The following HK1 variants were observed in gnomAD, a reference collection of about 807,000 sequenced individuals.
The protein encoded by HK1 is hexokinase-1.
A neutral mutation model predicts 91.6 loss-of-function variants in HK1; 28 were observed. That is an observed-to-expected ratio of 0.31 (90% confidence interval 0.23 to 0.42). The LOEUF is 0.42. Among genes scored for constraint, HK1 ranks in the 10% least tolerant of loss-of-function variants. HK1 has a pLI of 1.00. For synonymous variants in HK1, 430 were observed against 468.1 expected, an observed-to-expected ratio of 0.92 and a Z score of 1.05; for missense variants, 770 against 1,219.8, an observed-to-expected ratio of 0.63 and a Z score of 5.49.
chr10:69,401,285 G>A lies in HK1; in HGVS notation c.*150G>A. ...CAAAATCCAACTAATGGTATATATTGTAGGGTACAGAATAGAGCGTGTGCT... is the reference window on the plus strand; with the variant it reads ...CAAAATCCAACTAATGGTATATATTATAGGGTACAGAATAGAGCGTGTGCT... On this transcript the variant is annotated 3_prime_UTR_variant, in exon 18 of 18. Coordinates refer to ENST00000359426, the MANE Select transcript of HK1 (RefSeq NM_000188.3). 1 of 819,090 alleles carries A rather than the reference G, an allele frequency of 1.2e-6. No individual in the cohort carries two copies. Among genetic ancestry groups the A allele is most frequent in the South Asian group, 1.5e-5 (1 of 67,442 alleles). 50.7% of individuals were successfully genotyped at this position (819,090 alleles called of 1,614,324 possible). A position where few individuals can be genotyped will look rare whatever the true frequency, so the allele number is the denominator to read the frequency against.
chr10:69,318,261 G>A, upstream of HK1: 15 of 982,210 alleles, frequency 1.5e-5, no homozygotes, highest in African/African-American at 1.7e-5. Context: ...CGGCCTGGGT[G>A]AGGAAGGCGC....
At chr10:69,295,270 G>A (rs1467025199) in intron 3 of HK1, among the ~76,000 whole-genome samples, 7 of 152,126 alleles carry the variant, frequency 4.6e-5, no homozygotes, top group South Asian at 2.1e-4. Flanking sequence ...CCGCAGCTCC[G>A]GTGCTGCTGC....
At chr10:69,387,177 G>T (rs565993700) in intron 13 of HK1, among the ~76,000 whole-genome samples, 1 of 152,268 alleles carries the variant, frequency 6.6e-6, no homozygotes, top group East Asian at 1.9e-4. Context: ...AATTGCCCCT[G>T]GTTCCTGACA....
At chr10:69,328,501 C>G (rs1847508973) in intron 1 of HK1, among the ~76,000 whole-genome samples, 1 of 152,114 alleles carries the variant, frequency 6.6e-6, no homozygotes. Flanking sequence ...GCATCGTGAG[C>G]CTTTGCTTAG....
At chr10:69,365,159 C>T (rs1849637056) in intron 4 of HK1, among the ~76,000 whole-genome samples, 1 of 152,112 alleles carries the variant, frequency 6.6e-6, no homozygotes, top group African/African-American at 2.4e-5. Context: ...ATTTATTAAT[C>T]TTAGGCAAGC....
At chr10:69,293,908 C>T (rs755972565) in intron 3 of HK1, among the ~76,000 whole-genome samples, 2 of 132,696 alleles carry the variant, frequency 1.5e-5, no homozygotes, top group African/African-American at 2.9e-5. Flanking sequence ...TTGGCTCAGG[C>T]TGGAGTGCAG....
At chr10:69,330,876 T>C (rs1847677001) in intron 1 of HK1, among the ~76,000 whole-genome samples, 1 of 151,800 alleles carries the variant, frequency 6.6e-6, no homozygotes, top group Non-Finnish European at 1.5e-5. Context: ...CTGTTTCTTT[T>C]CTTTTTTTCT....
intron 1 of HK1, among the ~76,000 whole-genome samples, chr10:69,331,870 C>G (rs1215649361): frequency 6.6e-6 from 1 of 150,814 alleles, no homozygotes; most frequent in African/African-American, 2.5e-5. Context: ...GGAGCCAAGA[C>G]CTTGTCTCAA....
intron 5 of HK1, among the ~76,000 whole-genome samples, chr10:69,307,391 G>T (rs1487973339): frequency 6.6e-6 from 1 of 152,100 alleles, no homozygotes; most frequent in Non-Finnish European, 1.5e-5. Flanking sequence ...AACTCTGCAG[G>T]GCCCAGATCC....
chr10:69,389,351 GT>G, intron 14 of HK1, 55 bp downstream of exon 14: 1 of 1,308,094 alleles, frequency 7.6e-7, no homozygotes, highest in Admixed American at 2.0e-5. Context: ...GGGTTTCCCC[GT>G]TTTGTGGGGC....
At chr10:69,338,734 AGTGT>A in intron 1 of HK1, 4 of 1,230,800 alleles carry the variant, frequency 3.2e-6, no homozygotes, top group Non-Finnish European at 4.2e-6. Context: ...TGTATGTGTG[AGTGT>A]GTGAGAGTGT....
At chr10:69,316,082 C>T (rs1846625717), upstream of HK1, 8 of 1,284,406 alleles carry the variant, frequency 6.2e-6, no homozygotes, top group Admixed American at 1.3e-4. Flanking sequence ...CTTGGTCAGG[C>T]AGAGGTGAGT....
At chr10:69,391,424 T>G (rs1839891607) in intron 14 of HK1, among the ~76,000 whole-genome samples, 1 of 152,182 alleles carries the variant, frequency 6.6e-6, no homozygotes, top group Non-Finnish European at 1.5e-5. Flanking sequence ...AGAGGGTAGC[T>G]CGAGCCCAGG....
At chr10:69,275,290 G>GT (rs1844381208) in intron 1 of HK1, among the ~76,000 whole-genome samples, 1 of 151,518 alleles carries the variant, frequency 6.6e-6, no homozygotes, top group African/African-American at 2.4e-5. Flanking sequence ...GGAGGCCAAG[G>GT]TGGGAGGATA....
chr10:69,337,635 C>G (rs1848057350), intron 1 of HK1, among the ~76,000 whole-genome samples: 1 of 152,208 alleles, frequency 6.6e-6, no homozygotes, highest in Admixed American at 6.5e-5. Flanking sequence ...TCTCTGTCCT[C>G]CCCTAAGCTA....
intron 2 of HK1, among the ~76,000 whole-genome samples, chr10:69,354,696 A>G (rs115427476): frequency 2.5e-3 from 388 of 152,324 alleles, no homozygotes; most frequent in African/African-American, 9.1e-3. Flanking sequence ...GCAGCTAATG[A>G]GCATTTGCTG....
At chr10:69,345,935 C>T (rs995394397) in intron 2 of HK1, among the ~76,000 whole-genome samples, 3 of 152,310 alleles carry the variant, frequency 2.0e-5, no homozygotes, top group Middle Eastern at 3.4e-3. Flanking sequence ...AACGGCACCC[C>T]CCCATTCCAA....
At position 69,369,359 on chromosome 10, in the gene HK1, T is replaced by C. The variant is rs759346929; in HGVS notation, c.691+23T>C. On this transcript the variant is annotated intron_variant, in intron 6 of 17. Coordinates refer to ENST00000359426, the MANE Select transcript of HK1 (RefSeq NM_000188.3). This position sits in a 1 kb window ranked among gnomAD's most constrained non-coding sequence, Gnocchi z 4.4. ...TCGGTAATGCATTCCCCTTTGCCCA[T>C]CCATTTGTTCGGCCCATCTTTCCAG... 1.2e-6 allele frequency: 2 copies of C among 1,613,514 alleles called. No homozygotes were observed. Among genetic ancestry groups the C allele is most frequent in the Non-Finnish European group, 8.5e-7 (1 of 1,179,394 alleles).
chr10:69,351,952 G>A (rs1257646342), intron 2 of HK1, among the ~76,000 whole-genome samples: 3 of 152,106 alleles, frequency 2.0e-5, no homozygotes, highest in Non-Finnish European at 4.4e-5. Context: ...ACTCACCTGC[G>A]AGGAGCTACT....
Sources: gnomAD v4.1 joint callset for allele counts (sites outside exome capture counted in the v4.1 genomes callset) on GRCh38, gnomAD v4.1.1 for gene constraint, Gnocchi (gnomAD v3.1) non-coding constraint, MANE v1.5 for transcripts, NCBI Gene and HGNC (gene_info 2026-07-23, HGNC 2026-07-21) for gene names.